Variants in UBE2F observed in about 807,000 individuals in gnomAD.
The protein encoded by UBE2F is NEDD8-conjugating enzyme UBE2F.
A neutral mutation model predicts 29.6 loss-of-function variants in UBE2F; 5 were observed. The observed-to-expected ratio is 0.17, with a 90% CI of 0.09 to 0.36. The LOEUF is 0.36. UBE2F is among the 10% of genes least tolerant of loss of function. The pLI is 1.00. For missense variants in UBE2F, 141 were observed against 228.5 expected (o/e 0.62, Z 2.47); for synonymous variants, 66 against 81.8 (o/e 0.81, Z 1.04).
In UBE2F at chr2:238,041,429, C is replaced by T; in HGVS notation, c.*91C>T. The T allele has an allele frequency of 7.3e-7, 1 of 1,372,986 alleles. No homozygotes were observed. The highest frequency in any genetic ancestry group is 1.7e-5 in the Admixed American group (1 of 57,582). 85.1% of individuals were successfully genotyped at this position (1,372,986 alleles called of 1,614,324 possible). ...GGTAGCCCCCTCTCCCGTCCTCATG[C>T]TCCCTCTCAGTCCCCTGGATTGCCC... is the stretch of plus-strand genomic sequence containing the variant. On this transcript the variant is annotated 3_prime_UTR_variant, in exon 10 of 10. Transcript: ENST00000272930.
chr2:238,003,095 T>C (rs183715920), intron 4 of UBE2F, among the ~76,000 whole-genome samples: 1 of 152,332 alleles, frequency 6.6e-6, no homozygotes, highest in Non-Finnish European at 1.5e-5. Context: ...TTCAGACACA[T>C]AAAATTTATA....
At chr2:237,979,560 C>T (rs75536210) in intron 2 of UBE2F, among the ~76,000 whole-genome samples, 2,985 of 152,246 alleles carry the variant, frequency 0.02, 94 homozygotes, top group African/African-American at 0.069. Flanking sequence ...CAGTGTGTGC[C>T]GCTGGGAGGT....
intron 4 of UBE2F, among the ~76,000 whole-genome samples, chr2:238,005,997 T>TG (rs1353150405): frequency 1.3e-5 from 2 of 152,196 alleles, no homozygotes; most frequent in Admixed American, 6.5e-5. Flanking sequence ...TAAATCAATT[T>TG]GGGGAGAATT....
Position 237,967,150 on chromosome 2 carries a change from G to C in UBE2F, c.-17+18G>C. The C allele has an allele frequency of 8.2e-7, 1 of 1,216,692 alleles. No individual in the cohort carries two copies. Among genetic ancestry groups the C allele is most frequent in the South Asian group, 3.3e-5 (1 of 30,366 alleles). 75.4% of individuals were successfully genotyped at this position (1,216,692 alleles called of 1,614,324 possible). ...GAGCCCAGGTGAGGAGCGACCGTGC[G>C]GCTCTGCGGCGGGGCGAGGTGCGGC... On this transcript the variant is annotated intron_variant, in intron 1 of 9. Coordinates refer to ENST00000272930, the MANE Select transcript of UBE2F (RefSeq NM_080678.3). This position sits in a 1 kb window ranked among gnomAD's most constrained non-coding sequence, Gnocchi z 6.3.
At chr2:237,976,544 ATCTGGTACAGGTAGT>A (rs1465308531) in intron 2 of UBE2F, among the ~76,000 whole-genome samples, 7 of 152,216 alleles carry the variant, frequency 4.6e-5, no homozygotes, top group Non-Finnish European at 1.0e-4. Context: ...TAGGATTGGT[ATCTGGTACAGGTAGT>A]TCTCTGCTTC....
At chr2:238,027,198 G>T (rs2064452437) in intron 6 of UBE2F, among the ~76,000 whole-genome samples, 1 of 152,190 alleles carries the variant, frequency 6.6e-6, no homozygotes, top group South Asian at 2.1e-4. Flanking sequence ...AAGATTGTCA[G>T]ATTTGACCAT....
chr2:237,975,457 G>A (rs1159673529), intron 2 of UBE2F, among the ~76,000 whole-genome samples: 2 of 152,132 alleles, frequency 1.3e-5, no homozygotes, highest in Non-Finnish European at 2.9e-5. Flanking sequence ...GCAAAGGGTT[G>A]ATTAGTGTAT....
chr2:238,021,943 G>A (rs933147340), intron 5 of UBE2F, among the ~76,000 whole-genome samples: 3 of 152,092 alleles, frequency 2.0e-5, no homozygotes, highest in Non-Finnish European at 2.9e-5. Context: ...ATGGCATTAT[G>A]GGTATTGAGT....
rs555140014 is a variant in UBE2F, at chr2:238,011,585, T to A, written c.215-4981T>A. Among the ~76,000 whole-genome samples the A allele has an allele frequency of 2.0e-5, 3 of 152,358 alleles. No individual in the cohort carries two copies. In the East Asian group the frequency reaches 5.8e-4, roughly 29 times the overall value. Reference sequence around the variant, plus strand: ...ACTATTTGTGTAATGAATAATGAATTTAAGCAAATTTTGATGATAATTAAA... The same window carrying A: ...ACTATTTGTGTAATGAATAATGAATATAAGCAAATTTTGATGATAATTAAA... On this transcript the variant is annotated intron_variant, in intron 4 of 9. Coordinates refer to ENST00000272930, the MANE Select transcript of UBE2F (RefSeq NM_080678.3).
chr2:237,969,789 C>T (rs1005107302), intron 1 of UBE2F, among the ~76,000 whole-genome samples: 3 of 152,158 alleles, frequency 2.0e-5, no homozygotes, highest in Non-Finnish European at 4.4e-5. Context: ...GATGGTGCTG[C>T]TGTCTGTGGT....
rs925965200 is a variant in UBE2F at position 238,031,275 on chromosome 2, C to G, written c.411+662C>G. ...TCTACCTGGAAGGCGGCCCTCTCCTCCAGCCCTCTCCCTGGCAGACTCCTG... is the reference window on the plus strand; with the variant it reads ...TCTACCTGGAAGGCGGCCCTCTCCTGCAGCCCTCTCCCTGGCAGACTCCTG... On this transcript the variant is annotated intron_variant, in intron 7 of 9. Transcript: ENST00000272930. Among the ~76,000 whole-genome samples the G allele has an allele frequency of 1.4e-4, 21 of 152,362 alleles. 1 individual carries two copies. Among genetic ancestry groups the G allele is most frequent in the Middle Eastern group, 3.4e-3 (1 of 294 alleles).
intron 2 of UBE2F, among the ~76,000 whole-genome samples, chr2:237,975,527 G>A (rs1029083812): frequency 1.3e-5 from 2 of 152,150 alleles, no homozygotes; most frequent in African/African-American, 4.8e-5. Flanking sequence ...AGGCATTTAC[G>A]TGTCCTGAAG....
intron 5 of UBE2F, among the ~76,000 whole-genome samples, chr2:238,018,780 G>A (rs992982805): frequency 6.6e-6 from 1 of 152,168 alleles, no homozygotes; most frequent in Non-Finnish European, 1.5e-5. Context: ...TTTGCCAATG[G>A]AGACGGCTGA....
At chr2:237,979,810 G>T (rs1318425923) in intron 2 of UBE2F, among the ~76,000 whole-genome samples, 1 of 152,210 alleles carries the variant, frequency 6.6e-6, no homozygotes, top group African/African-American at 2.4e-5. Context: ...AAAGTAAGTG[G>T]TAGGAGACCT....
intron 4 of UBE2F, among the ~76,000 whole-genome samples, chr2:238,004,374 G>T (rs1483066917): frequency 6.6e-6 from 1 of 151,816 alleles, no homozygotes; most frequent in Non-Finnish European, 1.5e-5. Flanking sequence ...AGATGCGTCT[G>T]CTCAACTGTT....
intron 4 of UBE2F, among the ~76,000 whole-genome samples, chr2:237,996,361 C>A (rs1368165363): frequency 6.6e-6 from 1 of 152,132 alleles, no homozygotes; most frequent in Admixed American, 6.5e-5. Context: ...CAAGCATGGG[C>A]TTTGTGGTCC....
intron 6 of UBE2F, among the ~76,000 whole-genome samples, chr2:238,030,276 G>C (rs915839657): frequency 9.9e-5 from 15 of 152,234 alleles, no homozygotes; most frequent in African/African-American, 3.6e-4. Flanking sequence ...AATGTTCTTT[G>C]TGTGTTGTTT....
rs774479117 is a variant in UBE2F, at chr2:238,001,763, T to C, written c.214+6954T>C. Among the ~76,000 whole-genome samples the C allele has an allele frequency of 2.0e-5, 3 of 152,178 alleles. No homozygotes were observed. The East Asian group carries it at 5.8e-4, about 30-fold the overall frequency. ...TGAACCCAGGAGGTGGAGCTTGCAGTGTGCCGAGATTGCGCCACTGCACTC... is the reference window on the plus strand; with the variant it reads ...TGAACCCAGGAGGTGGAGCTTGCAGCGTGCCGAGATTGCGCCACTGCACTC... On this transcript the variant is annotated intron_variant, in intron 4 of 9. Coordinates refer to ENST00000272930, the MANE Select transcript of UBE2F (RefSeq NM_080678.3).
chr2:237,984,475 G>A (rs370069313), intron 2 of UBE2F, among the ~76,000 whole-genome samples: 10 of 152,146 alleles, frequency 6.6e-5, no homozygotes, highest in Admixed American at 2.6e-4. Context: ...CTGTGCTTTC[G>A]CACATTGCTA....
Sources: gnomAD v4.1 joint callset for allele counts (sites outside exome capture counted in the v4.1 genomes callset) on GRCh38, gnomAD v4.1.1 for gene constraint, Gnocchi (gnomAD v3.1) non-coding constraint, MANE v1.5 for transcripts, NCBI Gene and HGNC (gene_info 2026-07-23, HGNC 2026-07-21) for gene names.